The following ANKRD13A variants were observed in gnomAD, a reference collection of about 807,000 sequenced individuals.
ANKRD13A encodes the protein ankyrin repeat domain 13A.
A neutral mutation model predicts 81.3 loss-of-function variants in ANKRD13A; 48 were observed. That is an observed-to-expected ratio of 0.59 (90% confidence interval 0.47 to 0.75). The LOEUF is 0.75. Among genes scored for constraint, ANKRD13A ranks in the 30% least tolerant of loss-of-function variants. The pLI, the probability that ANKRD13A is intolerant of heterozygous loss-of-function variation, is 0.00. For missense variants in ANKRD13A, 612 were observed against 734.0 expected (o/e 0.83, Z 1.92); for synonymous variants, 230 against 270.1 (o/e 0.85, Z 1.45).
chr12:110,009,146 A>G (rs562770604), intron 1 of ANKRD13A, among the ~76,000 whole-genome samples: 1 of 152,216 alleles, frequency 6.6e-6, no homozygotes, highest in Admixed American at 6.5e-5. Flanking sequence ...CAATGGCACA[A>G]TCTCGGCTCA....
At chr12:110,025,942 C>T in intron 8 of ANKRD13A, 119 bp downstream of exon 8, 3 of 761,718 alleles carry the variant, frequency 3.9e-6, no homozygotes, top group South Asian at 2.0e-5. Flanking sequence ...AAGCCTAACC[C>T]TAACTTCTTC....
rs1380155995 is a variant in ANKRD13A at position 110,001,278 on chromosome 12, G to A, written c.96+1494G>A. On this transcript the variant is annotated intron_variant, in intron 1 of 14. Transcript: ENST00000261739. ...TAATTGTCAAGAAATTGTAGAGGAA[G>A]AGGAGGATTGTTTGTCTTATGGTTG... 2.6e-5 allele frequency among the ~76,000 whole-genome samples: 4 copies of A among 151,802 alleles called. No individual in the cohort carries two copies. In the East Asian group the frequency reaches 7.7e-4, roughly 29 times the overall value.
rs941200952 is a variant in ANKRD13A, at chr12:110,016,793, G to A, written c.400+360G>A. Among the ~76,000 whole-genome samples the A allele has an allele frequency of 4.6e-5, 7 of 150,940 alleles. No homozygotes were observed. In the East Asian group the frequency reaches 5.8e-4, roughly 13 times the overall value. On this transcript the variant is annotated intron_variant, in intron 4 of 14. Transcript: ENST00000261739. ...TTTATTTTTATTTTTATTTTTTTGA[G>A]ACAGAGTCTCACTCTGTTGTCCAGG...
intron 1 of ANKRD13A, among the ~76,000 whole-genome samples, chr12:110,011,597 T>C (rs948371287): frequency 2.6e-5 from 4 of 152,224 alleles, no homozygotes; most frequent in Non-Finnish European, 4.4e-5. Flanking sequence ...ATTAAGGTCC[T>C]ATACTTCCTA....
At chr12:110,013,649 T>C (rs546534946) in intron 3 of ANKRD13A, among the ~76,000 whole-genome samples, 55 of 152,128 alleles carry the variant, frequency 3.6e-4, no homozygotes, top group African/African-American at 1.3e-3. Context: ...TGCATACCTG[T>C]AGTCTGAGCT....
At chr12:110,025,964 CTTT>C (rs748271339) in intron 8 of ANKRD13A, 141 bp downstream of exon 8, 2,792 of 498,836 alleles carry the variant, frequency 5.6e-3, no homozygotes, top group South Asian at 9.6e-3. Flanking sequence ...CTCTCTCTCT[CTTT>C]TTTTTTTTTT....
chr12:110,010,898 C>T (rs919223835), intron 1 of ANKRD13A, among the ~76,000 whole-genome samples: 2 of 152,164 alleles, frequency 1.3e-5, no homozygotes, highest in African/African-American at 4.8e-5. Context: ...CAGCTAGCAT[C>T]TTAAATCAAA....
intron 8 of ANKRD13A, 194 bp from the exon 9 acceptor site, chr12:110,027,511 A>G: frequency 3.5e-6 from 2 of 576,876 alleles, no homozygotes; most frequent in East Asian, 2.9e-5. Flanking sequence ...CTGTTTATCT[A>G]GTTTAGAGAT....
At chr12:110,031,670 A>G (rs1370208402) in intron 12 of ANKRD13A, among the ~76,000 whole-genome samples, 1 of 152,178 alleles carries the variant, frequency 6.6e-6, no homozygotes. Flanking sequence ...GCATCTGTGT[A>G]ACCACCACCA....
chr12:110,007,374 T>G (rs185261351), intron 1 of ANKRD13A, among the ~76,000 whole-genome samples: 13 of 151,984 alleles, frequency 8.6e-5, no homozygotes, highest in African/African-American at 2.7e-4. Flanking sequence ...TTTTTTGAGG[T>G]TTTTTTTGTT....
chr12:109,999,503 C>T lies in ANKRD13A; in HGVS notation c.-186C>T, dbSNP rs568877117. ...CGGGGTGGGCGCGGCCGACCTGGTC[C>T]CTGAGCCGGCCGGCGACCCCGGACC... On this transcript the variant is annotated 5_prime_UTR_variant, in exon 1 of 15. Coordinates refer to ENST00000261739, the MANE Select transcript of ANKRD13A (RefSeq NM_033121.2). This position sits in a 1 kb window ranked among gnomAD's most constrained non-coding sequence, Gnocchi z 4.3. 1.3e-5 allele frequency: 4 copies of T among 310,536 alleles called. No individual in the cohort carries two copies. The East Asian group carries it at 2.2e-4, about 17-fold the overall frequency. The allele number at this position is 310,536 out of a possible 1,614,324, so 19.2% of individuals were successfully genotyped here.
intron 13 of ANKRD13A, among the ~76,000 whole-genome samples, chr12:110,034,990 T>C (rs1315848190): frequency 6.6e-6 from 1 of 152,154 alleles, no homozygotes; most frequent in African/African-American, 2.4e-5. Flanking sequence ...CTGGTTCTAT[T>C]CCTGAGTCTT....
intron 1 of ANKRD13A, among the ~76,000 whole-genome samples, chr12:110,007,541 C>T (rs540779271): frequency 4.1e-4 from 62 of 151,988 alleles, no homozygotes; most frequent in African/African-American, 1.3e-3. Flanking sequence ...CCACCACGCC[C>T]GGCTAATTTT....
intron 14 of ANKRD13A, 28 bp from the exon 15 acceptor site, chr12:110,037,331 C>T: frequency 6.3e-7 from 1 of 1,598,008 alleles, no homozygotes; most frequent in Non-Finnish European, 8.6e-7. Flanking sequence ...AGTAGTGACT[C>T]TCCCTTTTTA....
At chr12:110,004,978 T>C (rs939425395) in intron 1 of ANKRD13A, among the ~76,000 whole-genome samples, 6 of 151,278 alleles carry the variant, frequency 4.0e-5, no homozygotes, top group African/African-American at 1.2e-4. Flanking sequence ...ATTCGTTTTA[T>C]GTATTATGTA....
chr12:110,024,937 A>AG, intron 7 of ANKRD13A, among the ~76,000 whole-genome samples: 1 of 152,362 alleles, frequency 6.6e-6, no homozygotes, highest in South Asian at 2.1e-4. Flanking sequence ...GTCAGTGCAC[A>AG]GAATGCCTTT....
chr12:110,014,847 G>C (rs1484204993), intron 3 of ANKRD13A, among the ~76,000 whole-genome samples: 1 of 150,492 alleles, frequency 6.6e-6, no homozygotes, highest in Admixed American at 6.6e-5. Context: ...GCAGTGGCGC[G>C]ATCTTGGTTC....
chr12:110,006,475 A>C (rs558351763), intron 1 of ANKRD13A, among the ~76,000 whole-genome samples: 18 of 152,306 alleles, frequency 1.2e-4, no homozygotes, highest in Admixed American at 3.9e-4. Flanking sequence ...TGTCATCTCA[A>C]ATCCTTTGCC....
At chr12:110,010,881 T>C (rs923569691) in intron 1 of ANKRD13A, among the ~76,000 whole-genome samples, 2 of 152,236 alleles carry the variant, frequency 1.3e-5, no homozygotes, top group Admixed American at 6.5e-5. Context: ...AGTTAGTACC[T>C]GAATAACAGC....
Sources: gnomAD v4.1 joint callset for allele counts (sites outside exome capture counted in the v4.1 genomes callset) on GRCh38, gnomAD v4.1.1 for gene constraint, Gnocchi (gnomAD v3.1) non-coding constraint, MANE v1.5 for transcripts, NCBI Gene and HGNC (gene_info 2026-07-23, HGNC 2026-07-21) for gene names.